The following MGAT5B variants were observed in gnomAD, a reference collection of about 807,000 sequenced individuals.
MGAT5B encodes the protein N-acetylglucosaminyl-transferase Vb.
A neutral mutation model predicts 95.1 loss-of-function variants in MGAT5B; 54 were observed. That is an observed-to-expected ratio of 0.57 (90% CI 0.46 to 0.71). MGAT5B has a LOEUF of 0.71. Ranked by LOEUF, MGAT5B falls within the 30% of genes least tolerant of loss-of-function variation. MGAT5B has a pLI of 0.00. For synonymous variants in MGAT5B, 464 were observed against 451.0 expected (o/e 1.03, Z -0.36); for missense variants, 935 against 1,088.6 (o/e 0.86, Z 1.99).
intron 2 of MGAT5B, among the ~76,000 whole-genome samples, chr17:76,880,336 C>G (rs1480121142): frequency 2.0e-5 from 3 of 152,210 alleles, no homozygotes; most frequent in Non-Finnish European, 4.4e-5. Flanking sequence ...GCTCCTGTGG[C>G]CTCCCTTCTG....
Position 76,931,970 on chromosome 17 carries a change from T to C in MGAT5B, c.1292-675T>C, listed in dbSNP as rs561093975. Among the ~76,000 whole-genome samples the C allele has an allele frequency of 5.9e-5, 9 of 152,208 alleles. No homozygotes were observed. In the South Asian group the frequency reaches 1.9e-3, roughly 32 times the overall value. On this transcript the variant is annotated intron_variant, in intron 10 of 17. Transcript: ENST00000569840. ...CCTCAAACAGGGGGACTTGATGACCTCTTAGGCTGCTGCTGCTACTGCTGG... is the reference window on the plus strand; with the variant it reads ...CCTCAAACAGGGGGACTTGATGACCCCTTAGGCTGCTGCTGCTACTGCTGG...
rs981191622 is a variant in MGAT5B, at chr17:76,906,326, T to G, written c.1025+139T>G. 11 of 755,148 alleles carry G rather than the reference T, an allele frequency of 1.5e-5. No homozygotes were observed. In the Admixed American group the frequency reaches 3.8e-4, roughly 26 times the overall value. The allele number at this position is 755,148 out of a possible 1,614,324, so 46.8% of individuals were successfully genotyped here. ...GGCCCTGAGACCCTGGGAGACATCC[T>G]GGTGTTCCGCAGGACATCACCACTC... is the stretch of plus-strand genomic sequence containing the variant. On this transcript the variant is annotated intron_variant, in intron 8 of 17. Transcript: ENST00000569840. The surrounding 1 kb of genome is among the most constrained non-coding windows in gnomAD (Gnocchi z 4.6).
chr17:76,869,235 C>A lies in MGAT5B; in HGVS notation c.68+138C>A. 1 of 717,344 alleles carries A rather than the reference C, an allele frequency of 1.4e-6. No homozygotes were observed. Among genetic ancestry groups the A allele is most frequent in the Non-Finnish European group, 2.5e-6 (1 of 408,124 alleles). 44.4% of individuals were successfully genotyped at this position (717,344 alleles called of 1,614,324 possible). On this transcript the variant is annotated intron_variant, in intron 1 of 17. Transcript: ENST00000569840. The surrounding 1 kb of genome is among the most constrained non-coding windows in gnomAD (Gnocchi z 7.0). ...CAACCCCTGGTGATGACCAGTGGGG[C>A]TGGGCTGGGGGAACGGATGGCGTTG...
intron 3 of MGAT5B, among the ~76,000 whole-genome samples, chr17:76,895,692 A>G (rs1229648139): frequency 6.6e-6 from 1 of 152,060 alleles, no homozygotes; most frequent in East Asian, 1.9e-4. Flanking sequence ...TGAGAGACCC[A>G]CTTCACTCCA....
Position 76,921,707 on chromosome 17 carries a change from C to T in MGAT5B, c.1026-3259C>T, listed in dbSNP as rs903804849. On this transcript the variant is annotated intron_variant, in intron 8 of 17. Coordinates refer to ENST00000569840, the MANE Select transcript of MGAT5B (RefSeq NM_001199172.2). ...CAGGGGTTAGGTGGGGAAGCATCCTCGAAGTCCTGGCTCAGAGGCAGTGGG... is the reference window on the plus strand; with the variant it reads ...CAGGGGTTAGGTGGGGAAGCATCCTTGAAGTCCTGGCTCAGAGGCAGTGGG... Among the ~76,000 whole-genome samples, 11 of 152,164 alleles carry T rather than the reference C, an allele frequency of 7.2e-5. No individual in the cohort carries two copies. In the South Asian group the frequency reaches 1.7e-3, roughly 23 times the overall value.
At position 76,932,676 on chromosome 17, in the gene MGAT5B, C is replaced by T. The variant is rs79286496; in HGVS notation, c.1323C>T (p.Phe441=). Reference sequence around the variant, plus strand: ...CCCCCGACAACTCCTTCATGGGCTTCGTGTCCGAGGAGCTCAACGAGACGG... The same window carrying T: ...CCCCCGACAACTCCTTCATGGGCTTTGTGTCCGAGGAGCTCAACGAGACGG... ...PHTPDNSFMG[F]VSEELNETEK... The change falls in exon 11 of 18, where the codon TTC becomes TTT. Residue 441 remains phenylalanine (F), a synonymous_variant. Coordinates refer to ENST00000569840, the MANE Select transcript of MGAT5B (RefSeq NM_001199172.2). The T allele has an allele frequency of 0.18, 282,812 of 1,613,618 alleles. 26,701 individuals are homozygous for T. The highest frequency in any genetic ancestry group is 0.38 in the East Asian group (17,066 of 44,832).
At chr17:76,933,176 A>G in intron 11 of MGAT5B, 116 bp from the exon 12 acceptor site, 3 of 1,255,866 alleles carry the variant, frequency 2.4e-6, no homozygotes, top group Non-Finnish European at 3.4e-6. Context: ...TTAGAACCCC[A>G]TCTTCAGGGT....
chr17:76,937,843 C>T lies in MGAT5B; in HGVS notation c.1429-145C>T, dbSNP rs890140675. ...TTTTCAGGGCCAGAGAGGGGCGGGG[C>T]CTTTCCCAGTGTCCCACAGCCAGTT... is the stretch of plus-strand genomic sequence containing the variant. On this transcript the variant is annotated intron_variant, in intron 12 of 17. Transcript: ENST00000569840. The T allele has an allele frequency of 4.7e-6, 4 of 858,692 alleles. No homozygotes were observed. In the African/African-American group the frequency reaches 5.1e-5, roughly 11 times the overall value. 53.2% of individuals were successfully genotyped at this position (858,692 alleles called of 1,614,324 possible).
At chr17:76,888,699 T>G (rs1452799233) in intron 3 of MGAT5B, among the ~76,000 whole-genome samples, 1 of 152,100 alleles carries the variant, frequency 6.6e-6, no homozygotes, top group African/African-American at 2.4e-5. Flanking sequence ...GGGCTGAGCC[T>G]CAGGGGCCTC....
rs752557928 is a variant in MGAT5B at position 76,914,077 on chromosome 17, G to C, written c.1025+7890G>C. 3.9e-4 allele frequency: 66 copies of C among 168,888 alleles called. No individual in the cohort carries two copies. The highest frequency in any genetic ancestry group is 6.5e-4 in the Non-Finnish European group (53 of 81,794). 10.5% of individuals were successfully genotyped at this position (168,888 alleles called of 1,614,324 possible). On this transcript the variant is annotated intron_variant, in intron 8 of 17. Coordinates refer to ENST00000569840, the MANE Select transcript of MGAT5B (RefSeq NM_001199172.2). This position sits in a 1 kb window ranked among gnomAD's most constrained non-coding sequence, Gnocchi z 5.1. ...GATCATGCTACTGCACTCTAGCTTG[G>C]GTGACAAAGCAAGACTGTCTCAAAA...
rs377057899 is a variant in MGAT5B, at chr17:76,882,220, G to T, written c.251G>T (p.Arg84Leu). ...MSDLLELMVKRMDALARLENS... is the reference protein window; with the variant it reads ...MSDLLELMVKLMDALARLENS... ...GACCTGCTGGAGCTGATGGTGAAGC[G>T]CATGGACGCACTGGCCAGGCTGGAG... Residue 84 changes from arginine to leucine, a missense_variant, in exon 3 of 18, where the codon CGC becomes CTC. Physicochemically the swap from Arg to Leu is moderately radical, Grantham distance 102. Coordinates refer to ENST00000569840, the MANE Select transcript of MGAT5B (RefSeq NM_001199172.2). 5 of 1,613,524 alleles carry T rather than the reference G, an allele frequency of 3.1e-6. No individual in the cohort carries two copies. The highest frequency in any genetic ancestry group is 4.2e-6 in the Non-Finnish European group (5 of 1,179,936).
rs1969023604 is a variant in MGAT5B, at chr17:76,918,539, A to T, written c.1026-6427A>T. 6.6e-6 allele frequency among the ~76,000 whole-genome samples: 1 copy of T among 152,168 alleles called. No homozygotes were observed. Among genetic ancestry groups the T allele is most frequent in the Admixed American group, 6.5e-5 (1 of 15,276 alleles). The stretch of plus-strand genomic sequence containing the variant: ...TGCAGGACGGTGTAATTCTTTCCTC[A>T]TTAGTGATCCTAACCCCTGCTTCCT... On this transcript the variant is annotated intron_variant, in intron 8 of 17. Coordinates refer to ENST00000569840, the MANE Select transcript of MGAT5B (RefSeq NM_001199172.2). This position sits in a 1 kb window ranked among gnomAD's most constrained non-coding sequence, Gnocchi z 5.1.
chr17:76,925,823 C>G (rs961577310), intron 9 of MGAT5B, among the ~76,000 whole-genome samples: 23 of 152,314 alleles, frequency 1.5e-4, no homozygotes, highest in African/African-American at 3.8e-4. Context: ...CTTGCAGGGC[C>G]TCTGAGTCTT....
intron 13 of MGAT5B, among the ~76,000 whole-genome samples, chr17:76,939,029 GGTGTGTGTGT>G (rs372571720): frequency 5.9e-4 from 76 of 128,258 alleles, no homozygotes; most frequent in African/African-American, 1.9e-3. Flanking sequence ...GCATCTTGGG[GGTGTGTGTGT>G]GTGTGTGTGT....
intron 13 of MGAT5B, among the ~76,000 whole-genome samples, chr17:76,939,029 GGTGT>G (rs372571720): frequency 0.15 from 19,532 of 127,784 alleles, 1,473 homozygotes; most frequent in East Asian, 0.32. Flanking sequence ...GCATCTTGGG[GGTGT>G]GTGTGTGTGT....
rs1969009637 is a variant in MGAT5B, at chr17:76,918,256, G to C, written c.1026-6710G>C. 6.6e-6 allele frequency among the ~76,000 whole-genome samples: 1 copy of C among 152,106 alleles called. No homozygotes were observed. The highest frequency in any genetic ancestry group is 2.4e-5 in the African/African-American group (1 of 41,414). On this transcript the variant is annotated intron_variant, in intron 8 of 17. Transcript: ENST00000569840. The surrounding 1 kb of genome is among the most constrained non-coding windows in gnomAD (Gnocchi z 5.1). ...ATGCTTTGTGGTAGCTTCGGCTAAA[G>C]AGCACCCAGACTGTGCCTCCATCTG...
At chr17:76,887,423 G>T (rs1293750651) in intron 3 of MGAT5B, among the ~76,000 whole-genome samples, 1 of 138,518 alleles carries the variant, frequency 7.2e-6, no homozygotes, top group Admixed American at 7.4e-5. Context: ...AGCCGCTAGG[G>T]TCTTTCTTTC....
At position 76,949,481 on chromosome 17, in the gene MGAT5B, CTCCCGATT is replaced by C. The variant is rs540911860; in HGVS notation, c.*652_*659del. 464 of 129,326 alleles carry C rather than the reference CTCCCGATT, an allele frequency of 3.6e-3. 3 individuals carry two copies. Among genetic ancestry groups the C allele is most frequent in the African/African-American group, 0.011 (432 of 39,040 alleles). The allele number at this position is 129,326 out of a possible 1,614,324, so 8.0% of individuals were successfully genotyped here. A position where few individuals can be genotyped will look rare whatever the true frequency, so the allele number is the denominator to read the frequency against. On this transcript the variant is annotated 3_prime_UTR_variant, in exon 18 of 18. Coordinates refer to ENST00000569840, the MANE Select transcript of MGAT5B (RefSeq NM_001199172.2). ...TTTGTGCCTCCCCTTAGTCCCTTCCCTCCCGATTTCCCGATTCCCCCACCCTCCCTCTA... is the reference window on the plus strand; with the variant it reads ...TTTGTGCCTCCCCTTAGTCCCTTCCCTCCCGATTCCCCCACCCTCCCTCTA...
chr17:76,882,860 G>A (rs994525898), intron 3 of MGAT5B, among the ~76,000 whole-genome samples: 4 of 151,440 alleles, frequency 2.6e-5, no homozygotes, highest in Non-Finnish European at 5.9e-5. Flanking sequence ...GACTACAGGC[G>A]CCCACCACCA....
Sources: allele counts gnomAD v4.1 joint callset (sites outside exome capture counted in the v4.1 genomes callset), GRCh38; gene constraint gnomAD v4.1.1; non-coding constraint Gnocchi (gnomAD v3.1); transcripts MANE v1.5; gene names NCBI Gene and HGNC (gene_info 2026-07-23, HGNC 2026-07-21).